MPP7: variants seen among roughly 807,000 people sequenced by gnomAD.
MPP7 encodes the protein MAGUK p55 subfamily member 7.
A neutral mutation model predicts 76.5 loss-of-function variants in MPP7; 60 were observed. That is an observed-to-expected ratio of 0.78 (90% CI 0.64 to 0.97). The LOEUF (loss-of-function observed/expected upper bound fraction) is 0.97. Ranked by LOEUF, MPP7 falls within the 50% of genes least tolerant of loss-of-function variation. The pLI, the probability that MPP7 is intolerant of heterozygous loss-of-function variation, is 0.00. For missense variants in MPP7, 641 were observed against 694.0 expected, an observed-to-expected ratio of 0.92 and a Z score of 0.86; for synonymous variants, 237 against 244.5, an observed-to-expected ratio of 0.97 and a Z score of 0.29.
At chr10:28,194,002 CTTT>C (rs1837498312) in intron 3 of MPP7, among the ~76,000 whole-genome samples, 1 of 151,978 alleles carries the variant, frequency 6.6e-6, no homozygotes, top group South Asian at 2.1e-4. Context: ...ATGGCAGCTT[CTTT>C]TTGTTTGTTT....
chr10:28,202,904 G>C (rs1837825386), intron 2 of MPP7: 1 of 152,104 alleles, frequency 6.6e-6, no homozygotes, highest in Admixed American at 6.6e-5. Context: ...CTCTGAAAGA[G>C]TTAAAGTAAC....
chr10:28,085,496 G>A (rs1852964090), intron 12 of MPP7, among the ~76,000 whole-genome samples: 1 of 152,192 alleles, frequency 6.6e-6, no homozygotes, highest in South Asian at 2.1e-4. Flanking sequence ...TTAGATCTTA[G>A]TAGCAGAGAA....
chr10:28,200,044 C>T (rs1837719557), intron 3 of MPP7, among the ~76,000 whole-genome samples: 1 of 152,140 alleles, frequency 6.6e-6, no homozygotes, highest in African/African-American at 2.4e-5. Context: ...TTCACTCTAC[C>T]ACAAATCTTT....
chr10:28,311,726 T>C (rs539447476), intron 2 of MPP7, among the ~76,000 whole-genome samples: 69 of 150,046 alleles, frequency 4.6e-4, no homozygotes, highest in African/African-American at 1.5e-3. Context: ...CTACAAAAAT[T>C]AAAAAATTAA....
At chr10:28,257,453 G>A (rs1008134811) in intron 1 of MPP7, among the ~76,000 whole-genome samples, 7 of 151,690 alleles carry the variant, frequency 4.6e-5, no homozygotes, top group Non-Finnish European at 2.9e-5. Context: ...TAGGGACATG[G>A]ATGAAATTGG....
chr10:28,239,677 T>C (rs1205100615), intron 1 of MPP7, among the ~76,000 whole-genome samples: 1 of 152,204 alleles, frequency 6.6e-6, no homozygotes, highest in Non-Finnish European at 1.5e-5. Context: ...TATTAACTTT[T>C]TTTTCAATAA....
chr10:28,269,334 T>G (rs536012963), intron 1 of MPP7, among the ~76,000 whole-genome samples: 3 of 152,272 alleles, frequency 2.0e-5, no homozygotes, highest in Middle Eastern at 3.4e-3. Flanking sequence ...AGGTCGATTT[T>G]AACTCAATTC....
chr10:28,114,630 G>T (rs959833513), intron 11 of MPP7, among the ~76,000 whole-genome samples: 6 of 152,168 alleles, frequency 3.9e-5, no homozygotes, highest in Admixed American at 3.3e-4. Flanking sequence ...ATTCACATGG[G>T]CAAGGTTAAA....
At chr10:28,264,749 A>G (rs1348675721) in intron 1 of MPP7, among the ~76,000 whole-genome samples, 2 of 152,146 alleles carry the variant, frequency 1.3e-5, no homozygotes, top group Non-Finnish European at 2.9e-5. Flanking sequence ...GGGATAAAAT[A>G]AAAGGTAAGT....
At chr10:28,265,227 A>C (rs1050380630) in intron 1 of MPP7, among the ~76,000 whole-genome samples, 1 of 152,220 alleles carries the variant, frequency 6.6e-6, no homozygotes, top group African/African-American at 2.4e-5. Flanking sequence ...TTGATAAAGA[A>C]TGTTTAAAAG....
intron 11 of MPP7, among the ~76,000 whole-genome samples, chr10:28,101,378 A>G (rs1853817117): frequency 2.0e-5 from 3 of 152,196 alleles, no homozygotes; most frequent in Admixed American, 2.0e-4. Flanking sequence ...AAACATGCAG[A>G]TAACTTGTTG....
At chr10:28,264,354 G>C (rs1394804682) in intron 1 of MPP7, among the ~76,000 whole-genome samples, 3 of 152,046 alleles carry the variant, frequency 2.0e-5, no homozygotes, top group Non-Finnish European at 2.9e-5. Flanking sequence ...ACAAAGAGGA[G>C]CATCAGAGCC....
At chr10:28,233,544 TA>T (rs75116907) in intron 2 of MPP7, among the ~76,000 whole-genome samples, 79 of 145,602 alleles carry the variant, frequency 5.4e-4, no homozygotes, top group Non-Finnish European at 7.2e-4. Flanking sequence ...CCGTCTCTAT[TA>T]AAAAAAAACA....
At chr10:28,244,153 T>A (rs1839358756) in intron 1 of MPP7, among the ~76,000 whole-genome samples, 1 of 152,180 alleles carries the variant, frequency 6.6e-6, no homozygotes, top group Non-Finnish European at 1.5e-5. Flanking sequence ...CAGAAATGAA[T>A]GAGGGCCAAG....
rs536470985 is a variant in MPP7, at chr10:28,056,630, G to A, written c.1408-7C>T. On this transcript the variant is annotated splice_polypyrimidine_tract_variant and splice_region_variant and intron_variant, in intron 15 of 16. Transcript: ENST00000683449. ...TCCTTAAATGCTTCACTGTCTACAAGGAAGAAAAGAAAGTTTTCTCACATT... is the reference window on the plus strand; with the variant it reads ...TCCTTAAATGCTTCACTGTCTACAAAGAAGAAAAGAAAGTTTTCTCACATT... 2.2e-5 allele frequency: 34 copies of A among 1,541,056 alleles called. No homozygotes were observed. The East Asian group carries it at 7.8e-4, about 35-fold the overall frequency.
intron 2 of MPP7, among the ~76,000 whole-genome samples, chr10:28,314,557 G>C (rs987339628): frequency 2.0e-5 from 3 of 152,192 alleles, no homozygotes; most frequent in Non-Finnish European, 4.4e-5. Context: ...AAACGATTTT[G>C]AGAACAATCG....
chr10:28,167,896 G>A lies in MPP7; in HGVS notation c.157-17837C>T, dbSNP rs117907755. On this transcript the variant is annotated intron_variant, in intron 3 of 16. Transcript: ENST00000683449. ...CCAATCTAGAGGACCTAAGTGAATA[G>A]CTAGCTCACTGTGGCACTAATTTGC... 8.7e-3 allele frequency among the ~76,000 whole-genome samples: 1,320 copies of A among 152,254 alleles called. 20 individuals carry two copies. The highest frequency in any genetic ancestry group is 0.053 in the East Asian group (276 of 5,176).
intron 1 of MPP7, among the ~76,000 whole-genome samples, chr10:28,242,212 TTA>T (rs1455079363): frequency 6.6e-6 from 1 of 152,214 alleles, no homozygotes; most frequent in East Asian, 1.9e-4. Context: ...ACTTTAATAA[TTA>T]TGTTAGCAAT....
At chr10:28,263,355 T>TC (rs74981896) in intron 1 of MPP7, among the ~76,000 whole-genome samples, 22,262 of 152,006 alleles carry the variant, frequency 0.15, 2,230 homozygotes, top group East Asian at 0.52. Context: ...TTTGCATAGT[T>TC]CTGCAAATAA....
Sources: allele counts gnomAD v4.1 joint callset (sites outside exome capture counted in the v4.1 genomes callset), GRCh38; gene constraint gnomAD v4.1.1; transcripts MANE v1.5; gene names NCBI Gene and HGNC (gene_info 2026-07-23, HGNC 2026-07-21).